Variants in ARHGAP24 observed in about 807,000 individuals in gnomAD.
ARHGAP24 encodes Rho GTPase activating protein 24, also known as rho GTPase-activating protein 24.
Under a neutral mutation model 76.4 loss-of-function variants are expected in ARHGAP24, and 50 were observed. That is an observed-to-expected ratio of 0.65 (90% confidence interval 0.52 to 0.83). The LOEUF is 0.83. ARHGAP24 is among the 40% of genes least tolerant of loss of function. ARHGAP24 has a pLI of 0.00. For synonymous variants in ARHGAP24, 345 were observed against 323.3 expected, an observed-to-expected ratio of 1.07 and a Z score of -0.72; for missense variants, 930 against 914.2, an observed-to-expected ratio of 1.02 and a Z score of -0.22.
chr4:85,523,224 A>G (rs765526458), intron 1 of ARHGAP24, among the ~76,000 whole-genome samples: 3 of 152,282 alleles, frequency 2.0e-5, no homozygotes, highest in Non-Finnish European at 4.4e-5. Flanking sequence ...CCCTTGTGTC[A>G]CCTAATTTTA....
chr4:85,565,264 G>C (rs1334620205), intron 1 of ARHGAP24, among the ~76,000 whole-genome samples: 1 of 152,046 alleles, frequency 6.6e-6, no homozygotes, highest in African/African-American at 2.4e-5. Context: ...ACTGTGTACA[G>C]TGGAATCACA....
intron 2 of ARHGAP24, among the ~76,000 whole-genome samples, chr4:85,670,223 G>C (rs558726928): frequency 1.1e-3 from 171 of 152,248 alleles, no homozygotes; most frequent in African/African-American, 3.9e-3. Flanking sequence ...AGGAGATTAG[G>C]ATGTGAGAAA....
intron 3 of ARHGAP24, among the ~76,000 whole-genome samples, chr4:85,889,592 T>C (rs1415734921): frequency 6.6e-6 from 1 of 152,208 alleles, no homozygotes; most frequent in Non-Finnish European, 1.5e-5. Flanking sequence ...AAAACTTTCA[T>C]ATTCATACAT....
At position 85,616,064 on chromosome 4, in the gene ARHGAP24, G is replaced by A. The variant is rs116314215; in HGVS notation, c.180+45343G>A. Among the ~76,000 whole-genome samples the A allele has an allele frequency of 6.9e-3, 1,053 of 152,304 alleles. 8 individuals are homozygous for A. The highest frequency in any genetic ancestry group is 0.012 in the Non-Finnish European group (820 of 68,026). On this transcript the variant is annotated intron_variant, in intron 2 of 9. Transcript: ENST00000395184. ...TATGCCTCAAAGCAGATCAGACACT[G>A]GAGAACTTAGAGTTTTAATAAGCAC...
At chr4:85,538,562 G>T (rs1248859594) in intron 1 of ARHGAP24, among the ~76,000 whole-genome samples, 5 of 152,086 alleles carry the variant, frequency 3.3e-5, no homozygotes, top group Non-Finnish European at 5.9e-5. Flanking sequence ...ACTGAACTGT[G>T]TATTCTCTAC....
At chr4:85,825,861 C>T (rs1341933948) in intron 3 of ARHGAP24, among the ~76,000 whole-genome samples, 1 of 152,146 alleles carries the variant, frequency 6.6e-6, no homozygotes, top group Non-Finnish European at 1.5e-5. Context: ...TATTTCCTTT[C>T]TTTTTCTGAG....
chr4:85,811,714 A>G (rs544414520), intron 3 of ARHGAP24, among the ~76,000 whole-genome samples: 1 of 152,348 alleles, frequency 6.6e-6, no homozygotes, highest in South Asian at 2.1e-4. Flanking sequence ...TATTATGTGG[A>G]TAAGTTCACA....
At chr4:85,651,047 G>T (rs1479768598) in intron 2 of ARHGAP24, among the ~76,000 whole-genome samples, 4 of 32,152 alleles carry the variant, frequency 1.2e-4, no homozygotes, top group Non-Finnish European at 2.2e-4. Context: ...TTGAAGAAAG[G>T]TCTGCATGGG....
chr4:85,992,452 T>C (rs1740393269), intron 8 of ARHGAP24, among the ~76,000 whole-genome samples: 1 of 152,106 alleles, frequency 6.6e-6, no homozygotes. Context: ...ACCTTAAGGA[T>C]GTTGCTCTTC....
intron 4 of ARHGAP24, among the ~76,000 whole-genome samples, chr4:85,932,168 T>C (rs1214441585): frequency 1.3e-5 from 2 of 152,198 alleles, no homozygotes; most frequent in East Asian, 1.9e-4. Context: ...TCCACAAAGA[T>C]AATTAAATGA....
At chr4:85,638,645 T>C (rs1415679344) in intron 2 of ARHGAP24, among the ~76,000 whole-genome samples, 1 of 152,042 alleles carries the variant, frequency 6.6e-6, no homozygotes, top group Non-Finnish European at 1.5e-5. Flanking sequence ...CCACAATATG[T>C]TGGGCACCTT....
chr4:85,585,944 T>C (rs1560542356), intron 2 of ARHGAP24, among the ~76,000 whole-genome samples: 1 of 152,202 alleles, frequency 6.6e-6, no homozygotes, highest in Non-Finnish European at 1.5e-5. Flanking sequence ...GATCTCTCAT[T>C]GGAGCAACAA....
intron 3 of ARHGAP24, among the ~76,000 whole-genome samples, chr4:85,905,479 G>A (rs1734724993): frequency 1.3e-5 from 2 of 151,946 alleles, no homozygotes; most frequent in South Asian, 2.1e-4. Context: ...TTCTTCCTTC[G>A]TTCATCCCTT....
chr4:85,922,220 T>G (rs1735759128), intron 3 of ARHGAP24, among the ~76,000 whole-genome samples: 1 of 152,220 alleles, frequency 6.6e-6, no homozygotes, highest in South Asian at 2.1e-4. Flanking sequence ...GTTATTGCGC[T>G]TCTCTGACTT....
At chr4:85,777,308 A>G (rs1727344595) in intron 3 of ARHGAP24, among the ~76,000 whole-genome samples, 1 of 152,236 alleles carries the variant, frequency 6.6e-6, no homozygotes, top group African/African-American at 2.4e-5. Context: ...TTAAAAGTAG[A>G]CGAGAAATAT....
chr4:85,803,994 C>T (rs1728686175), intron 3 of ARHGAP24, among the ~76,000 whole-genome samples: 1 of 150,956 alleles, frequency 6.6e-6, no homozygotes, highest in African/African-American at 2.4e-5. Context: ...CTCTGTCACC[C>T]AGGCTGGAGT....
intron 2 of ARHGAP24, among the ~76,000 whole-genome samples, chr4:85,623,124 G>T (rs1578085899): frequency 6.6e-6 from 1 of 152,122 alleles, no homozygotes. Flanking sequence ...GTCAATTTTG[G>T]CTTCTGTTGC....
chr4:85,942,593 T>C, intron 5 of ARHGAP24: 1 of 264,168 alleles, frequency 3.8e-6, no homozygotes. Flanking sequence ...CTTAATGTTT[T>C]TAAATTCTTT....
chr4:85,995,261 A>G lies in ARHGAP24; in HGVS notation c.1607A>G (p.His536Arg). Residue 536 changes from histidine (H) to arginine (R), a missense_variant, in exon 9 of 10, where the codon CAT becomes CGT. Transcript: ENST00000395184. ...HNRLSTYDNV[H>R]QQFSMMNLDD... ...AGACTGTCCACCTATGATAATGTCC[A>G]TCAACAGTTCTCCATGATGAACCTT... 6.2e-7 allele frequency: 1 copy of G among 1,614,076 alleles called. No individual in the cohort carries two copies. Among genetic ancestry groups the G allele is most frequent in the East Asian group, 2.2e-5 (1 of 44,838 alleles).
Sources: allele counts gnomAD v4.1 joint callset (sites outside exome capture counted in the v4.1 genomes callset), GRCh38; gene constraint gnomAD v4.1.1; transcripts MANE v1.5; gene names NCBI Gene and HGNC (gene_info 2026-07-23, HGNC 2026-07-21).